Variants in DPH6 observed in about 807,000 individuals in gnomAD.
DPH6 encodes diphthamine biosynthesis 6, also known as diphthine--ammonia ligase.
A neutral mutation model predicts 38.2 loss-of-function variants in DPH6; 33 were observed. That is an observed-to-expected ratio of 0.86 (90% CI 0.65 to 1.15). DPH6 has a LOEUF of 1.15. DPH6 is among the 50% of genes most tolerant of loss of function. DPH6 has a pLI of 0.00. For missense variants in DPH6, 325 were observed against 320.0 expected, an observed-to-expected ratio of 1.02 and a Z score of -0.12; for synonymous variants, 108 against 103.0, an observed-to-expected ratio of 1.05 and a Z score of -0.30.
intron 3 of DPH6, among the ~76,000 whole-genome samples, chr15:35,340,200 C>T (rs913954450): frequency 3.9e-5 from 6 of 151,946 alleles, no homozygotes; most frequent in African/African-American, 1.2e-4. Context: ...GGATTGCAAC[C>T]CCTGAGTTTT....
At position 35,428,963 on chromosome 15, in the gene DPH6, T is replaced by A. The variant is rs540542367; in HGVS notation, c.506-18067A>T. 2.0e-5 allele frequency among the ~76,000 whole-genome samples: 3 copies of A among 152,294 alleles called. No individual in the cohort carries two copies. The East Asian group carries it at 5.8e-4, about 29-fold the overall frequency. ...AAACATAAAAAAGAAAATTTAAGTTTTTCATATTATAAAATTTCTGAAGAT... is the reference window on the plus strand; with the variant it reads ...AAACATAAAAAAGAAAATTTAAGTTATTCATATTATAAAATTTCTGAAGAT... On this transcript the variant is annotated intron_variant, in intron 5 of 8. Transcript: ENST00000256538.
At chr15:35,244,665 A>C (rs531176169) in intron 3 of DPH6, among the ~76,000 whole-genome samples, 8 of 152,330 alleles carry the variant, frequency 5.3e-5, no homozygotes, top group African/African-American at 1.7e-4. Flanking sequence ...TATTTTTTCA[A>C]GAGTTTCTTT....
chr15:35,379,832 A>G (rs1200595601), intron 7 of DPH6, among the ~76,000 whole-genome samples: 2 of 152,218 alleles, frequency 1.3e-5, no homozygotes, highest in Non-Finnish European at 2.9e-5. Context: ...TATTTAGCAA[A>G]TAGCCTAATG....
chr15:35,186,444 G>GT, the DPH6 span, among the ~76,000 whole-genome samples: 1 of 152,186 alleles, frequency 6.6e-6, no homozygotes, highest in Non-Finnish European at 1.5e-5. Context: ...GTTTTAAGGT[G>GT]TAAGAGGGCT....
chr15:35,265,341 C>A (rs1003635498), intron 3 of DPH6, among the ~76,000 whole-genome samples: 2 of 152,206 alleles, frequency 1.3e-5, no homozygotes, highest in African/African-American at 4.8e-5. Context: ...TTGATAACCC[C>A]TAAATTACAT....
intron 3 of DPH6, among the ~76,000 whole-genome samples, chr15:35,243,925 TGTA>T (rs1345168799): frequency 6.6e-6 from 1 of 152,226 alleles, no homozygotes; most frequent in South Asian, 2.1e-4. Flanking sequence ...CAGCAGCTAA[TGTA>T]GTATCTTGCA....
At chr15:35,342,151 C>T (rs1031157090) in intron 3 of DPH6, among the ~76,000 whole-genome samples, 21 of 152,294 alleles carry the variant, frequency 1.4e-4, no homozygotes, top group Admixed American at 8.5e-4. Context: ...TGGGTTCACC[C>T]TCTTCCTAGG....
At chr15:35,436,815 T>C (rs1052210704) in intron 5 of DPH6, among the ~76,000 whole-genome samples, 1 of 151,792 alleles carries the variant, frequency 6.6e-6, no homozygotes, top group African/African-American at 2.4e-5. Context: ...AGGCTTTTTT[T>C]TCTCCCCCTT....
In DPH6 at chr15:35,316,093, T is replaced by C. The variant is rs59682108; in HGVS notation, n.200+57428A>G. ...TTGATTAATAGGTACAAATACATGG[T>C]TTAATAGAAGAAATAAGACCTAGTA... On this transcript the variant is annotated intron_variant and non_coding_transcript_variant, in intron 3 of 3. Coordinates refer to the DPH6 transcript ENST00000560386. Among the ~76,000 whole-genome samples the C allele has an allele frequency of 0.02, 2,966 of 151,852 alleles. 312 individuals carry two copies. In the East Asian group the frequency reaches 0.33, roughly 17 times the overall value.
chr15:35,253,730 A>G (rs999017082), intron 3 of DPH6, among the ~76,000 whole-genome samples: 1 of 152,188 alleles, frequency 6.6e-6, no homozygotes, highest in Non-Finnish European at 1.5e-5. Context: ...AGACCACAGA[A>G]AAGCCCTCTT....
At position 35,426,993 on chromosome 15, in the gene DPH6, G is replaced by C. The variant is rs537041638; in HGVS notation, c.506-16097C>G. On this transcript the variant is annotated intron_variant, in intron 5 of 8. Transcript: ENST00000256538. ...AAATACCAAAAATGTACTGTCAGGG[G>C]AAGAAAGAATCTAAAAAAAAAAAAA... 5.5e-5 allele frequency among the ~76,000 whole-genome samples: 8 copies of C among 146,192 alleles called. No homozygotes were observed. The South Asian group carries it at 1.7e-3, about 32-fold the overall frequency.
chr15:35,231,390 G>T lies in DPH6; in HGVS notation n.201-10808C>A, dbSNP rs141342859. Among the ~76,000 whole-genome samples, 12 of 152,330 alleles carry T rather than the reference G, an allele frequency of 7.9e-5. No individual in the cohort carries two copies. The East Asian group carries it at 2.1e-3, about 27-fold the overall frequency. ...TGCTGCTGCTTCCGGGAAATGGAAG[G>T]GGGGTGGCATGGGCCATCCAAGACT... is the stretch of plus-strand genomic sequence containing the variant. On this transcript the variant is annotated intron_variant and non_coding_transcript_variant, in intron 3 of 3. Transcript: ENST00000560386.
chr15:35,513,733 G>C (rs1373703286), intron 3 of DPH6, among the ~76,000 whole-genome samples: 1 of 151,804 alleles, frequency 6.6e-6, no homozygotes, highest in African/African-American at 2.4e-5. Flanking sequence ...CTACAAAGTT[G>C]ACAGATACAG....
At chr15:35,274,096 C>T (rs1417045869) in intron 3 of DPH6, among the ~76,000 whole-genome samples, 1 of 152,154 alleles carries the variant, frequency 6.6e-6, no homozygotes, top group East Asian at 1.9e-4. Context: ...AGAAATAACA[C>T]CACATGTCTA....
the DPH6 span, among the ~76,000 whole-genome samples, chr15:35,206,748 C>A: frequency 6.6e-6 from 1 of 152,008 alleles, no homozygotes; most frequent in South Asian, 2.1e-4. Context: ...ACTTTATTTG[C>A]CAATTACTTT....
chr15:35,354,575 G>C (rs1368823756), intron 3 of DPH6, among the ~76,000 whole-genome samples: 1 of 152,110 alleles, frequency 6.6e-6, no homozygotes, highest in Admixed American at 6.6e-5. Context: ...TTATATGCTG[G>C]ATTATGTTTA....
rs2051584853 is a variant in DPH6, at chr15:35,239,809, C to T, written n.201-19227G>A. The stretch of plus-strand genomic sequence containing the variant: ...CTAGGGGGCAAGAACCCCCCAATCG[C>T]TTATTTCCACACCCCAACCTCTTAT... On this transcript the variant is annotated intron_variant and non_coding_transcript_variant, in intron 3 of 3. Transcript: ENST00000560386. 1.4e-5 allele frequency among the ~76,000 whole-genome samples: 2 copies of T among 142,352 alleles called. 1 individual carries two copies. The highest frequency in any genetic ancestry group is 5.1e-5 in the African/African-American group (2 of 39,364). 93.4% of individuals were successfully genotyped at this position (142,352 alleles called of 152,430 possible).
chr15:35,364,254 C>T (rs1180622216), intron 3 of DPH6, among the ~76,000 whole-genome samples: 1 of 151,930 alleles, frequency 6.6e-6, no homozygotes. Flanking sequence ...AAGGATTTTA[C>T]AATGACCACC....
At chr15:35,225,894 C>T (rs1040023848) in intron 3 of DPH6, among the ~76,000 whole-genome samples, 1 of 152,122 alleles carries the variant, frequency 6.6e-6, no homozygotes, top group Non-Finnish European at 1.5e-5. Context: ...AAAAATCATA[C>T]GATTGTCAAA....
Sources: allele counts gnomAD v4.1 joint callset (sites outside exome capture counted in the v4.1 genomes callset), GRCh38; gene constraint gnomAD v4.1.1; transcripts MANE v1.5; gene names NCBI Gene and HGNC (gene_info 2026-07-23, HGNC 2026-07-21).